Variants in PKNOX2 observed in about 807,000 individuals in gnomAD.
The protein encoded by PKNOX2 is homeobox protein PKNOX2.
Under a neutral mutation model 53.1 loss-of-function variants are expected in PKNOX2, and 14 were observed. The observed-to-expected ratio is 0.26, with a 90% CI of 0.17 to 0.41. The LOEUF (loss-of-function observed/expected upper bound fraction) is 0.41, where lower values mean the gene tolerates loss of function less well. PKNOX2 is among the 10% of genes least tolerant of loss of function. The probability of loss-of-function intolerance (pLI) is 1.00; values close to 1 mark genes in which losing one functional copy is unlikely to be tolerated. For synonymous variants in PKNOX2, 257 were observed against 242.8 expected (o/e 1.06, Z -0.54); for missense variants, 496 against 602.8 (o/e 0.82, Z 1.85).
At chr11:125,380,123 C>T (rs567685259) in intron 5 of PKNOX2, among the ~76,000 whole-genome samples, 18 of 152,210 alleles carry the variant, frequency 1.2e-4, no homozygotes, top group Non-Finnish European at 2.4e-4. Context: ...TGCCTGTGTC[C>T]GCGCTCCTGG....
chr11:125,181,969 G>C (rs1253861441), intron 1 of PKNOX2, among the ~76,000 whole-genome samples: 1 of 152,188 alleles, frequency 6.6e-6, no homozygotes, highest in East Asian at 1.9e-4. Flanking sequence ...TCTTAGCTTA[G>C]AGCTGGGACA....
At chr11:125,343,684 G>T (rs1950825944) in intron 3 of PKNOX2, among the ~76,000 whole-genome samples, 1 of 152,214 alleles carries the variant, frequency 6.6e-6, no homozygotes, top group African/African-American at 2.4e-5. Context: ...TATATCAGCA[G>T]CTTTTTGAAG....
chr11:125,273,297 C>T (rs531184808), intron 2 of PKNOX2, among the ~76,000 whole-genome samples: 1 of 152,286 alleles, frequency 6.6e-6, no homozygotes, highest in South Asian at 2.1e-4. Context: ...GCAAACAGAG[C>T]CCAGCTTCTG....
At chr11:125,179,771 T>A (rs1260562045) in intron 1 of PKNOX2, among the ~76,000 whole-genome samples, 2 of 152,232 alleles carry the variant, frequency 1.3e-5, no homozygotes, top group East Asian at 3.9e-4. Context: ...TAAGCCTCAG[T>A]TTTTCTGCCC....
intron 2 of PKNOX2, among the ~76,000 whole-genome samples, chr11:125,267,383 C>T (rs1254086672): frequency 1.3e-5 from 2 of 152,216 alleles, no homozygotes; most frequent in African/African-American, 4.8e-5. Flanking sequence ...GCTATCATGG[C>T]AGCCTCTCCT....
rs773134230 is a variant in PKNOX2, at chr11:125,254,313, G to A, written c.-130+19198G>A. On this transcript the variant is annotated intron_variant, in intron 2 of 12. Transcript: ENST00000298282. ...CCATTTGCCAGGGCTGCAAAGGGGC[G>A]ATGGGGTTCCTGGAGGTTCTACCCA... Among the ~76,000 whole-genome samples, 6 of 152,360 alleles carry A rather than the reference G, an allele frequency of 3.9e-5. No individual in the cohort carries two copies. In the East Asian group the frequency reaches 5.8e-4, roughly 15 times the overall value.
chr11:125,251,057 C>G (rs1033755359), intron 2 of PKNOX2, among the ~76,000 whole-genome samples: 11 of 152,228 alleles, frequency 7.2e-5, no homozygotes, highest in East Asian at 5.8e-4. Context: ...CCCTCCACCC[C>G]CTGGCAGCTT....
chr11:125,358,928 G>A (rs1244074738), intron 4 of PKNOX2, among the ~76,000 whole-genome samples: 1 of 152,196 alleles, frequency 6.6e-6, no homozygotes, highest in African/African-American at 2.4e-5. Flanking sequence ...CCGGTGTTGG[G>A]GTCCGTTCAG....
chr11:125,190,648 G>A (rs1237062080), intron 1 of PKNOX2, among the ~76,000 whole-genome samples: 4 of 151,870 alleles, frequency 2.6e-5, no homozygotes, highest in African/African-American at 4.8e-5. Context: ...TCTGTCCCCC[G>A]ACCCTGCCCT....
At chr11:125,172,008 T>C (rs1383767293) in intron 1 of PKNOX2, among the ~76,000 whole-genome samples, 1 of 151,644 alleles carries the variant, frequency 6.6e-6, no homozygotes, top group Non-Finnish European at 1.5e-5. Context: ...CAGAGTGGAG[T>C]CACAGGGCAG....
At chr11:125,362,479 T>A (rs1951977414) in intron 4 of PKNOX2, among the ~76,000 whole-genome samples, 1 of 152,084 alleles carries the variant, frequency 6.6e-6, no homozygotes, top group African/African-American at 2.4e-5. Flanking sequence ...ACTCAAGCAA[T>A]CCTCCTGCCT....
At position 125,270,515 on chromosome 11, in the gene PKNOX2, G is replaced by A. The variant is rs77419545; in HGVS notation, c.-130+35400G>A. Among the ~76,000 whole-genome samples, 1,124 of 152,270 alleles carry A rather than the reference G, an allele frequency of 7.4e-3. 17 individuals are homozygous for A. The highest frequency in any genetic ancestry group is 0.026 in the African/African-American group (1,063 of 41,536). Reference sequence around the variant, plus strand: ...CTTCTGTAATTGTCCCACGCCTGGCGCCATTCAGTGTGTGTTCCCAAGCTA... The same window carrying A: ...CTTCTGTAATTGTCCCACGCCTGGCACCATTCAGTGTGTGTTCCCAAGCTA... On this transcript the variant is annotated intron_variant, in intron 2 of 12. Coordinates refer to ENST00000298282, the MANE Select transcript of PKNOX2 (RefSeq NM_001382323.2).
At chr11:125,239,830 G>A (rs1013857382) in intron 2 of PKNOX2, 1 of 152,280 alleles carries the variant, frequency 6.6e-6, no homozygotes, top group African/African-American at 2.4e-5. Context: ...CATCTAGGCT[G>A]GTAGTCCTTG....
intron 1 of PKNOX2, among the ~76,000 whole-genome samples, chr11:125,183,964 A>C (rs1688449362): frequency 6.6e-6 from 1 of 152,118 alleles, no homozygotes; most frequent in South Asian, 2.1e-4. Context: ...TGGACCCTCC[A>C]TTTGCCTCAA....
chr11:125,226,776 CTT>C (rs1204087363), intron 1 of PKNOX2, among the ~76,000 whole-genome samples: 1 of 145,292 alleles, frequency 6.9e-6, no homozygotes, highest in Admixed American at 6.9e-5. Flanking sequence ...TTTTTTTTTC[CTT>C]TTTTTTTTTA....
At chr11:125,426,394 C>G (rs1279766000) in intron 10 of PKNOX2, among the ~76,000 whole-genome samples, 2 of 152,236 alleles carry the variant, frequency 1.3e-5, no homozygotes, top group East Asian at 1.9e-4. Flanking sequence ...TTCTTCCCAT[C>G]TAGTCTGTGA....
intron 1 of PKNOX2, among the ~76,000 whole-genome samples, chr11:125,225,006 G>A (rs1010513654): frequency 1.3e-5 from 2 of 152,204 alleles, no homozygotes; most frequent in Admixed American, 6.5e-5. Flanking sequence ...GTGGCCTTCG[G>A]ATGGCTGCCT....
rs569305055 is a variant in PKNOX2 at position 125,231,543 on chromosome 11, A to T, written c.-200-3502A>T. Among the ~76,000 whole-genome samples, 481 of 152,356 alleles carry T rather than the reference A, an allele frequency of 3.2e-3. 2 individuals carry two copies. Among genetic ancestry groups the T allele is most frequent in the Non-Finnish European group, 6.1e-3 (413 of 68,032 alleles). ...TTGCCATGATTATTTGCCTGTGAGG[A>T]TCACAGACAGCTGGCTTTGGAAGGC... On this transcript the variant is annotated intron_variant, in intron 1 of 12. Coordinates refer to ENST00000298282, the MANE Select transcript of PKNOX2 (RefSeq NM_001382323.2).
intron 2 of PKNOX2, among the ~76,000 whole-genome samples, chr11:125,259,305 A>G (rs781608582): frequency 9.2e-5 from 14 of 152,154 alleles, no homozygotes; most frequent in South Asian, 2.1e-4. Context: ...CATGTTAGAC[A>G]CCCACTATGT....
Sources: gnomAD v4.1 joint callset for allele counts (sites outside exome capture counted in the v4.1 genomes callset) on GRCh38, gnomAD v4.1.1 for gene constraint, MANE v1.5 for transcripts, NCBI Gene and HGNC (gene_info 2026-07-23, HGNC 2026-07-21) for gene names.